DTNB: variants seen among roughly 807,000 people sequenced by gnomAD.
DTNB encodes dystrobrevin beta, also known as DTN-B.
Under a neutral mutation model 90.7 loss-of-function variants are expected in DTNB, and 63 were observed. The ratio of observed to expected loss-of-function variants is 0.69; its 90% confidence interval spans 0.57 to 0.86. The LOEUF (loss-of-function observed/expected upper bound fraction) is 0.86, where lower values mean the gene tolerates loss of function less well. Among genes scored for constraint, DTNB ranks in the 40% least tolerant of loss-of-function variants. The pLI, the probability that DTNB is intolerant of heterozygous loss-of-function variation, is 0.00. For synonymous variants in DTNB, 277 were observed against 286.7 expected (o/e 0.97, Z 0.34); for missense variants, 744 against 807.1 (o/e 0.92, Z 0.95).
chr2:25,560,623 C>A (rs951322476), intron 8 of DTNB, among the ~76,000 whole-genome samples: 5 of 152,124 alleles, frequency 3.3e-5, no homozygotes, highest in Non-Finnish European at 7.4e-5. Flanking sequence ...ATCATCAGTT[C>A]TCCTGGGTCT....
At chr2:25,573,573 T>C (rs576960986) in intron 8 of DTNB, among the ~76,000 whole-genome samples, 12 of 152,222 alleles carry the variant, frequency 7.9e-5, no homozygotes, top group Non-Finnish European at 1.6e-4. Flanking sequence ...GCCAATTCTT[T>C]CTAAGCTCAT....
intron 10 of DTNB, among the ~76,000 whole-genome samples, chr2:25,470,567 G>T (rs1245325358): frequency 6.6e-6 from 1 of 151,794 alleles, no homozygotes; most frequent in African/African-American, 2.4e-5. Context: ...AGTAGAGATG[G>T]GGTTTCACCA....
intron 6 of DTNB, among the ~76,000 whole-genome samples, chr2:25,583,827 T>G (rs2061936395): frequency 6.6e-6 from 1 of 152,094 alleles, no homozygotes; most frequent in South Asian, 2.1e-4. Context: ...TCATGGAGTT[T>G]TTTTTTTTTA....
At chr2:25,563,169 T>C (rs2058512396) in intron 8 of DTNB, among the ~76,000 whole-genome samples, 1 of 152,238 alleles carries the variant, frequency 6.6e-6, no homozygotes, top group African/African-American at 2.4e-5. Flanking sequence ...TATGTTCACG[T>C]TGCCATAACT....
At chr2:25,604,653 C>T (rs1401650421) in intron 5 of DTNB, among the ~76,000 whole-genome samples, 1 of 152,174 alleles carries the variant, frequency 6.6e-6, no homozygotes, top group Non-Finnish European at 1.5e-5. Context: ...AGTGCAGTGG[C>T]ATGCTCTTGG....
At chr2:25,645,993 A>T (rs1553641511) in intron 2 of DTNB, among the ~76,000 whole-genome samples, 1 of 152,128 alleles carries the variant, frequency 6.6e-6, no homozygotes, top group Non-Finnish European at 1.5e-5. Flanking sequence ...TGAAGCACAA[A>T]ATATGATGGA....
At chr2:25,570,941 C>T (rs2059774113) in intron 8 of DTNB, among the ~76,000 whole-genome samples, 2 of 152,174 alleles carry the variant, frequency 1.3e-5, no homozygotes. Flanking sequence ...TATACAATGA[C>T]CTCAACAACT....
intron 8 of DTNB, among the ~76,000 whole-genome samples, chr2:25,534,706 CGGG>C: frequency 7.1e-6 from 1 of 139,930 alleles, no homozygotes; most frequent in Non-Finnish European, 1.5e-5. Context: ...GACAGGGTGG[CGGG>C]TGGGCAGAGG....
intron 11 of DTNB, 74 bp downstream of exon 11, chr2:25,455,331 A>C: frequency 7.1e-7 from 1 of 1,401,432 alleles, no homozygotes; most frequent in Non-Finnish European, 9.6e-7. Context: ...TTTCCAGCTG[A>C]CAACCCCAGG....
chr2:25,411,110 G>A (rs1366264447), intron 16 of DTNB, among the ~76,000 whole-genome samples: 1 of 152,044 alleles, frequency 6.6e-6, no homozygotes, highest in Non-Finnish European at 1.5e-5. Context: ...TGTAACCCCA[G>A]CACTTTGGGA....
chr2:25,612,330 G>A (rs2148564892), intron 4 of DTNB, among the ~76,000 whole-genome samples: 1 of 152,212 alleles, frequency 6.6e-6, no homozygotes, highest in African/African-American at 2.4e-5. Context: ...TAATATATTT[G>A]TTTGCATATG....
At chr2:25,502,753 G>A (rs946548014) in intron 9 of DTNB, among the ~76,000 whole-genome samples, 1 of 151,710 alleles carries the variant, frequency 6.6e-6, no homozygotes, top group African/African-American at 2.4e-5. Context: ...GGACATGGTG[G>A]CCAGCGCCTG....
At chr2:25,636,608 A>G (rs887298214) in intron 3 of DTNB, among the ~76,000 whole-genome samples, 3 of 152,190 alleles carry the variant, frequency 2.0e-5, no homozygotes, top group Non-Finnish European at 2.9e-5. Context: ...ACACATACAT[A>G]TATCTAGATA....
intron 4 of DTNB, among the ~76,000 whole-genome samples, chr2:25,622,896 T>C (rs186980345): frequency 3.9e-5 from 6 of 152,200 alleles, no homozygotes; most frequent in Admixed American, 3.3e-4. Context: ...AAATCAGATA[T>C]ATTACATATA....
chr2:25,576,228 T>G (rs552309165), intron 8 of DTNB, among the ~76,000 whole-genome samples: 260 of 144,916 alleles, frequency 1.8e-3, no homozygotes, highest in African/African-American at 6.1e-3. Context: ...TTTGTTTTTT[T>G]TTTTTTTTTT....
intron 1 of DTNB, among the ~76,000 whole-genome samples, chr2:25,660,651 C>T (rs1374904127): frequency 3.3e-5 from 5 of 152,084 alleles, no homozygotes; most frequent in African/African-American, 1.2e-4. Context: ...TAATCGTTTT[C>T]ACTAAATATT....
chr2:25,481,455 A>G (rs945989096), intron 10 of DTNB: 3 of 151,986 alleles, frequency 2.0e-5, no homozygotes, highest in Admixed American at 2.0e-4. Flanking sequence ...CAAGGTAAGC[A>G]AAGAGCCAGA....
chr2:25,536,229 C>T (rs1191951669), intron 8 of DTNB, among the ~76,000 whole-genome samples: 3 of 151,236 alleles, frequency 2.0e-5, no homozygotes, highest in East Asian at 2.0e-4. Flanking sequence ...ACGGGGCGGC[C>T]GGGCAGAGGG....
intron 12 of DTNB, among the ~76,000 whole-genome samples, chr2:25,442,538 A>C (rs1170911649): frequency 6.6e-6 from 1 of 152,262 alleles, no homozygotes; most frequent in Non-Finnish European, 1.5e-5. Flanking sequence ...TCTAAGAATC[A>C]GAGTTCTTGT....
Sources: allele counts gnomAD v4.1 joint callset (sites outside exome capture counted in the v4.1 genomes callset), GRCh38; gene constraint gnomAD v4.1.1; transcripts MANE v1.5; gene names NCBI Gene and HGNC (gene_info 2026-07-23, HGNC 2026-07-21).